ATP13A4: variants seen among roughly 807,000 people sequenced by gnomAD.
The protein encoded by ATP13A4 is ATPase 13A4, also known as probable cation-transporting ATPase 13A4.
A neutral mutation model predicts 142.5 loss-of-function variants in ATP13A4; 114 were observed. That is an observed-to-expected ratio of 0.80 (90% confidence interval 0.69 to 0.93). The LOEUF is 0.93. Among genes scored for constraint, ATP13A4 ranks in the 40% least tolerant of loss-of-function variants. The pLI, the probability that ATP13A4 is intolerant of heterozygous loss-of-function variation, is 0.00. For missense variants in ATP13A4, 1,392 were observed against 1,454.0 expected (o/e 0.96, Z 0.69); for synonymous variants, 488 against 514.8 (o/e 0.95, Z 0.70).
At chr3:193,406,434 G>A (rs916666588) in intron 29 of ATP13A4, among the ~76,000 whole-genome samples, 21 of 152,336 alleles carry the variant, frequency 1.4e-4, no homozygotes, top group African/African-American at 4.3e-4. Context: ...AATAGAGACA[G>A]ATGGAATTCT....
intron 7 of ATP13A4, among the ~76,000 whole-genome samples, chr3:193,488,225 T>C (rs1463752819): frequency 2.6e-5 from 4 of 152,100 alleles, no homozygotes; most frequent in Non-Finnish European, 4.4e-5. Flanking sequence ...GATCACACCA[T>C]TGCACTCCAG....
At chr3:193,431,603 A>ATGTG (rs139137306) in intron 25 of ATP13A4, among the ~76,000 whole-genome samples, 1,515 of 147,056 alleles carry the variant, frequency 0.01, 28 homozygotes, top group African/African-American at 0.034. Context: ...CTATATATGC[A>ATGTG]TGTGTGTGTG....
chr3:193,529,735 A>G (rs1284305853), intron 1 of ATP13A4, among the ~76,000 whole-genome samples: 2 of 152,214 alleles, frequency 1.3e-5, no homozygotes, highest in Non-Finnish European at 2.9e-5. Context: ...AGGAATGATA[A>G]CAGTAGCCAA....
intron 25 of ATP13A4, among the ~76,000 whole-genome samples, chr3:193,416,784 A>G (rs1467795227): frequency 1.3e-5 from 2 of 152,214 alleles, no homozygotes; most frequent in Admixed American, 1.3e-4. Context: ...AGGAGAGAAG[A>G]GAAAGAGACA....
chr3:193,459,341 C>T (rs2108637732), intron 13 of ATP13A4, 110 bp from the exon 14 acceptor site: 2 of 1,322,354 alleles, frequency 1.5e-6, no homozygotes, highest in Middle Eastern at 2.5e-4. Flanking sequence ...TGCTTTGTTG[C>T]ATTAATAGCC....
intron 13 of ATP13A4, among the ~76,000 whole-genome samples, chr3:193,461,170 A>G (rs1717924170): frequency 6.6e-6 from 1 of 152,222 alleles, no homozygotes; most frequent in African/African-American, 2.4e-5. Context: ...TATTCCTTAA[A>G]TGTAACAAGT....
At chr3:193,470,836 C>T (rs780973979) in intron 9 of ATP13A4, 23 bp downstream of exon 9, 1 of 1,613,726 alleles carries the variant, frequency 6.2e-7, no homozygotes, top group Non-Finnish European at 8.5e-7. Context: ...CAGAGGTTGT[C>T]AGCTGTGGAG....
Position 193,537,296 on chromosome 3 carries a change from T to TA in ATP13A4, c.60+17443dup, listed in dbSNP as rs1212010523. On this transcript the variant is annotated intron_variant, in intron 1 of 29. Transcript: ENST00000342695. ...AAACTGAGAAACAGACATACACAGATACACCCAACAGATTTTTGACACATA... is the reference window on the plus strand; with the variant it reads ...AAACTGAGAAACAGACATACACAGATAACACCCAACAGATTTTTGACACATA... Among the ~76,000 whole-genome samples, 8 of 152,170 alleles carry TA rather than the reference T, an allele frequency of 5.3e-5. No individual in the cohort carries two copies. In the East Asian group the frequency reaches 1.4e-3, roughly 26 times the overall value.
intron 2 of ATP13A4, among the ~76,000 whole-genome samples, chr3:193,579,997 C>T (rs78714632): frequency 0.027 from 4,133 of 152,238 alleles, 77 homozygotes; most frequent in Non-Finnish European, 0.04. Context: ...AGTATTTCTT[C>T]CCCATTCTTT....
chr3:193,467,175 C>T lies in ATP13A4; in HGVS notation c.1114+141G>A, dbSNP rs558167949. On this transcript the variant is annotated intron_variant, in intron 10 of 29. Coordinates refer to ENST00000342695, the MANE Select transcript of ATP13A4 (RefSeq NM_032279.4). ...TATCCCATAAGTATATACACAGCTA[C>T]TATATACCCACAAAAATTAAAAATT... The T allele has an allele frequency of 1.6e-3, 1,325 of 812,596 alleles. 2 individuals carry two copies. The highest frequency in any genetic ancestry group is 2.2e-3 in the Non-Finnish European group (1,143 of 524,646). The allele number at this position is 812,596 out of a possible 1,614,324, so 50.3% of individuals were successfully genotyped here. A position where few individuals can be genotyped will look rare whatever the true frequency, so the allele number is the denominator to read the frequency against.
At position 193,515,219 on chromosome 3, in the gene ATP13A4, C is replaced by T. The variant is rs546552179; in HGVS notation, c.61-348G>A. 2.0e-5 allele frequency among the ~76,000 whole-genome samples: 3 copies of T among 152,262 alleles called. No homozygotes were observed. The South Asian group carries it at 6.2e-4, about 32-fold the overall frequency. ...TTTTCCCTGAAGTGAGATAATCATC[C>T]TCATTTCATACATGGTGGGACTGAG... On this transcript the variant is annotated intron_variant, in intron 1 of 29. Coordinates refer to ENST00000342695, the MANE Select transcript of ATP13A4 (RefSeq NM_032279.4).
At chr3:193,591,475 T>A (rs910185524) in intron 1 of ATP13A4, among the ~76,000 whole-genome samples, 8 of 152,252 alleles carry the variant, frequency 5.3e-5, no homozygotes, top group Non-Finnish European at 1.2e-4. Flanking sequence ...ACTATGTATC[T>A]ATGGGAGATC....
intron 10 of ATP13A4, 49 bp from the exon 11 acceptor site, chr3:193,466,231 G>T (rs756244657): frequency 1.9e-6 from 3 of 1,608,412 alleles, no homozygotes; most frequent in African/African-American, 2.7e-5. Flanking sequence ...CAACGCTACT[G>T]CTAGCTCTTC....
intron 7 of ATP13A4, among the ~76,000 whole-genome samples, chr3:193,486,002 T>A (rs961288449): frequency 8.6e-5 from 13 of 151,200 alleles, no homozygotes; most frequent in Non-Finnish European, 1.5e-5. Flanking sequence ...AATAATGCCA[T>A]TCTCCTGCTA....
At chr3:193,456,883 T>C in intron 16 of ATP13A4, 117 bp downstream of exon 16, 3 of 1,258,888 alleles carry the variant, frequency 2.4e-6, no homozygotes, top group African/African-American at 1.5e-5. Flanking sequence ...GGAATGCCAG[T>C]GAGCCACCCA....
intron 2 of ATP13A4, among the ~76,000 whole-genome samples, chr3:193,568,996 G>A (rs952554980): frequency 5.3e-5 from 8 of 152,172 alleles, no homozygotes; most frequent in Non-Finnish European, 8.8e-5. Flanking sequence ...GATACTACAC[G>A]CTTGCTAACT....
intron 1 of ATP13A4, among the ~76,000 whole-genome samples, chr3:193,518,460 GC>G (rs1291980707): frequency 2.0e-5 from 3 of 152,036 alleles, no homozygotes; most frequent in Non-Finnish European, 4.4e-5. Flanking sequence ...AGGAAGGAAA[GC>G]AAGGGAATGA....
intron 1 of ATP13A4, among the ~76,000 whole-genome samples, chr3:193,546,192 C>G (rs1358069141): frequency 6.6e-6 from 1 of 152,036 alleles, no homozygotes; most frequent in African/African-American, 2.4e-5. Flanking sequence ...ACATTTGGCC[C>G]TCCCTTAGGA....
At chr3:193,440,403 G>T in intron 21 of ATP13A4, 155 bp downstream of exon 21, 1 of 1,384,318 alleles carries the variant, frequency 7.2e-7, no homozygotes, top group Non-Finnish European at 9.8e-7. Context: ...CCTTGGTACT[G>T]CTATTTTCTC....
Sources: gnomAD v4.1 joint callset for allele counts (sites outside exome capture counted in the v4.1 genomes callset) on GRCh38, gnomAD v4.1.1 for gene constraint, MANE v1.5 for transcripts, NCBI Gene and HGNC (gene_info 2026-07-23, HGNC 2026-07-21) for gene names.